ZNF112: variants seen among roughly 807,000 people sequenced by gnomAD.
ZNF112 encodes zinc finger protein 112 (Y14).
In ZNF112, 37 loss-of-function variants were observed where a neutral mutation model predicts 77.7. The observed-to-expected ratio is 0.48, with a 90% CI of 0.37 to 0.63. The LOEUF (loss-of-function observed/expected upper bound fraction) is 0.63. Among genes scored for constraint, ZNF112 ranks in the 20% least tolerant of loss-of-function variants. The pLI is 0.00. For missense variants in ZNF112, 950 were observed against 1,077.4 expected, an observed-to-expected ratio of 0.88 and a Z score of 1.66; for synonymous variants, 333 against 363.6, an observed-to-expected ratio of 0.92 and a Z score of 0.96.
chr19:44,340,383 T>C, intron 2 of ZNF112, 33 bp downstream of exon 2: 1 of 1,608,880 alleles, frequency 6.2e-7, no homozygotes, highest in Non-Finnish European at 8.5e-7. Flanking sequence ...CCCAGGAGGC[T>C]GCCATTGAGT....
intron 1 of ZNF112, among the ~76,000 whole-genome samples, chr19:44,346,777 G>A (rs10407844): frequency 0.023 from 3,524 of 152,138 alleles, 130 homozygotes; most frequent in African/African-American, 0.076. Context: ...CACAGTTCCC[G>A]CTGCACAGAA....
chr19:44,334,680 G>A (rs2722725), intron 3 of ZNF112, among the ~76,000 whole-genome samples: 95,468 of 152,198 alleles, frequency 0.63, 30,192 homozygotes, highest in Admixed American at 0.74. Context: ...ATGGCTAAAA[G>A]GGGCCAAGGT....
chr19:44,352,132 T>C (rs866517584), intron 1 of ZNF112, among the ~76,000 whole-genome samples: 2 of 152,208 alleles, frequency 1.3e-5, no homozygotes, highest in Middle Eastern at 3.4e-3. Context: ...TTCTGGGCGA[T>C]GGAACTGTTG....
At chr19:44,357,320 A>G (rs1191441602), upstream of ZNF112, among the ~76,000 whole-genome samples, 1 of 148,928 alleles carries the variant, frequency 6.7e-6, no homozygotes, top group African/African-American at 2.6e-5. Context: ...AGAAGCTTGC[A>G]ATACAGGAAG....
At chr19:44,360,074 G>C (rs1970840169), upstream of ZNF112, among the ~76,000 whole-genome samples, 1 of 145,762 alleles carries the variant, frequency 6.9e-6, no homozygotes, top group African/African-American at 2.5e-5. Flanking sequence ...GGCTAACACA[G>C]TGAAACCCCG....
chr19:44,344,105 T>C (rs1281879624), intron 1 of ZNF112, among the ~76,000 whole-genome samples: 1 of 152,190 alleles, frequency 6.6e-6, no homozygotes, highest in Non-Finnish European at 1.5e-5. Context: ...AAAAGACTAA[T>C]GAAACCTGTG....
intron 1 of ZNF112, among the ~76,000 whole-genome samples, chr19:44,352,871 A>T (rs536876462): frequency 3.3e-5 from 5 of 152,254 alleles, no homozygotes; most frequent in African/African-American, 1.2e-4. Context: ...ATGAAGGGAC[A>T]TGTTATATCA....
intron 1 of ZNF112, among the ~76,000 whole-genome samples, chr19:44,351,950 G>T (rs867555974): frequency 5.9e-5 from 9 of 151,988 alleles, no homozygotes; most frequent in African/African-American, 2.2e-4. Context: ...AAATACTGAT[G>T]TGAGAAATCA....
At chr19:44,359,787 C>G (rs16978985), upstream of ZNF112, among the ~76,000 whole-genome samples, 104,995 of 151,994 alleles carry the variant, frequency 0.69, 36,554 homozygotes, top group South Asian at 0.78. Context: ...AGATAAAAGA[C>G]TGTGGCATTG....
chr19:44,353,764 TG>T (rs1399808466), intron 1 of ZNF112, among the ~76,000 whole-genome samples: 7 of 152,092 alleles, frequency 4.6e-5, no homozygotes, highest in Non-Finnish European at 8.8e-5. Context: ...GTAAATAAAC[TG>T]GAACTTTCTA....
At position 44,340,304 on chromosome 19, in the gene ZNF112, C is replaced by T. The variant is rs138982936; in HGVS notation, c.124+112G>A. On this transcript the variant is annotated intron_variant, in intron 2 of 3. Coordinates refer to ENST00000354340, the MANE Select transcript of ZNF112 (RefSeq NM_013380.4). ...GTTGCACGGGGATTATTAGGACTCT[C>T]GGGCACCTAATCTCAGAGAATAATT... The T allele has an allele frequency of 1.5e-3, 2,092 of 1,439,336 alleles. 9 individuals carry two copies. Among genetic ancestry groups the T allele is most frequent in the Admixed American group, 5.1e-3 (218 of 43,034 alleles). The allele number at this position is 1,439,336 out of a possible 1,614,324, so 89.2% of individuals were successfully genotyped here. A position where few individuals can be genotyped will look rare whatever the true frequency, so the allele number is the denominator to read the frequency against.
exon 1 of ZNF112, chr19:44,367,125 C>G (rs754151722): frequency 6.6e-6 from 3 of 456,246 alleles, no homozygotes; most frequent in Non-Finnish European, 8.8e-6. Context: ...GGATGCTCTT[C>G]TCGAAGACAA....
At chr19:44,343,200 A>G in intron 1 of ZNF112, 1 of 1,601,724 alleles carries the variant, frequency 6.2e-7, no homozygotes. Context: ...AGATATGTCC[A>G]CTCACTGCAA....
rs897942870 is a variant in ZNF112 at position 44,327,273 on chromosome 19, C to A, written c.*160G>T. The A allele has an allele frequency of 5.0e-6, 3 of 599,592 alleles. No individual in the cohort carries two copies. The Admixed American group carries it at 9.5e-5, about 19-fold the overall frequency. The allele number at this position is 599,592 out of a possible 1,614,324, so 37.1% of individuals were successfully genotyped here. A position where few individuals can be genotyped will look rare whatever the true frequency, so the allele number is the denominator to read the frequency against. ...ACTGATGTTAAAGTTCTAACAAAAT[C>A]CCTCGTGAAACCCCTCTCATTAAAT... On this transcript the variant is annotated 3_prime_UTR_variant, in exon 4 of 4. Coordinates refer to ENST00000354340, the MANE Select transcript of ZNF112 (RefSeq NM_013380.4).
chr19:44,328,108 TC>T lies in ZNF112; in HGVS notation c.2048del (p.Gly683GlufsTer58), dbSNP rs775424020. 6.2e-7 allele frequency: 1 copy of T among 1,613,942 alleles called. No homozygotes were observed. Among genetic ancestry groups the T allele is most frequent in the Non-Finnish European group, 8.5e-7 (1 of 1,180,004 alleles). ...ACTCATCACATTGGTATGGCTTCTCTCCCGTGTGGACCCTCTGATGGGCCAA... is the reference window on the plus strand; with the variant it reads ...ACTCATCACATTGGTATGGCTTCTCTCCGTGTGGACCCTCTGATGGGCCAA... ...TLLAHQRVHT[G>X]EKPYQCDECG... On this transcript the variant is annotated frameshift_variant, in exon 4 of 4. Coordinates refer to ENST00000354340, the MANE Select transcript of ZNF112 (RefSeq NM_013380.4). LOFTEE classifies it high-confidence loss of function.
intron 2 of ZNF112, among the ~76,000 whole-genome samples, chr19:44,337,081 G>C (rs1360996560): frequency 6.6e-6 from 1 of 150,990 alleles, no homozygotes; most frequent in Admixed American, 6.6e-5. Flanking sequence ...GCATTGCCCA[G>C]GCTGGTCCTG....
At chr19:44,352,693 C>T (rs1970714712) in intron 1 of ZNF112, among the ~76,000 whole-genome samples, 1 of 151,894 alleles carries the variant, frequency 6.6e-6, no homozygotes, top group Non-Finnish European at 1.5e-5. Context: ...TATTTCTATA[C>T]ACTAACAATG....
Position 44,340,461 on chromosome 19 carries a change from A to C in ZNF112, c.79T>G (p.Tyr27Asp). The change falls in exon 2 of 4, where the codon TAC becomes GAC. Residue 27 changes from tyrosine to aspartate, a missense_variant. Transcript: ENST00000354340. ...GLLDSVQRKL[Y>D]RDVMLENFRN... ...AAGTTCTCCAGCATCACATCTCGGT[A>C]CAGCTTCCTCTGGACAGAGTCCAGC... 1 of 1,613,958 alleles carries C rather than the reference A, an allele frequency of 6.2e-7. No homozygotes were observed. Among genetic ancestry groups the C allele is most frequent in the Non-Finnish European group, 8.5e-7 (1 of 1,179,982 alleles).
chr19:44,366,431 A>G (rs1970905174), intron 1 of ZNF112, among the ~76,000 whole-genome samples: 1 of 152,020 alleles, frequency 6.6e-6, no homozygotes, highest in Non-Finnish European at 1.5e-5. Flanking sequence ...AGAATGTGCT[A>G]ATTAGTAAAT....
Sources: gnomAD v4.1 joint callset for allele counts (sites outside exome capture counted in the v4.1 genomes callset) on GRCh38, gnomAD v4.1.1 for gene constraint, MANE v1.5 for transcripts, NCBI Gene and HGNC (gene_info 2026-07-23, HGNC 2026-07-21) for gene names.